The following WHRN variants were observed in gnomAD, a reference collection of about 807,000 sequenced individuals.
WHRN encodes the protein CASK-interacting protein CIP98.
WHRN carries 41 observed loss-of-function variants against 68.3 expected under a neutral mutation model. The ratio of observed to expected loss-of-function variants is 0.60; its 90% CI spans 0.47 to 0.78. The LOEUF (loss-of-function observed/expected upper bound fraction) is 0.78. Ranked by LOEUF, WHRN falls within the 30% of genes least tolerant of loss-of-function variation. The pLI is 0.00. For missense variants in WHRN, 1,243 were observed against 1,244.7 expected, an observed-to-expected ratio of 1.00 and a Z score of 0.02; for synonymous variants, 560 against 561.3, an observed-to-expected ratio of 1.00 and a Z score of 0.03.
chr9:114,426,205 C>T lies in WHRN; in HGVS notation c.1166+6G>A. 1 of 1,612,048 alleles carries T rather than the reference C, an allele frequency of 6.2e-7. No individual in the cohort carries two copies. The highest frequency in any genetic ancestry group is 8.5e-7 in the Non-Finnish European group (1 of 1,179,998). On this transcript the variant is annotated splice_donor_region_variant and intron_variant, in intron 4 of 11. Coordinates refer to ENST00000362057, the MANE Select transcript of WHRN (RefSeq NM_015404.4). ...CTGGAGATTGGAGCGAGCAGAGTGGCCAGACCCTGCCGAGTTCGCCATGGT... is the reference window on the plus strand; with the variant it reads ...CTGGAGATTGGAGCGAGCAGAGTGGTCAGACCCTGCCGAGTTCGCCATGGT...
At chr9:114,442,710 A>G (rs1838478731) in intron 3 of WHRN, among the ~76,000 whole-genome samples, 1 of 152,006 alleles carries the variant, frequency 6.6e-6, no homozygotes, top group African/African-American at 2.4e-5. Flanking sequence ...TCCCTCTCTT[A>G]CCATGTGACA....
intron 1 of WHRN, among the ~76,000 whole-genome samples, 155 bp downstream of exon 1, chr9:114,504,029 T>C (rs1844163488): frequency 6.7e-6 from 1 of 149,910 alleles, no homozygotes; most frequent in Non-Finnish European, 1.5e-5. Flanking sequence ...ATTTGCTCTG[T>C]AAGCTATACA....
intron 2 of WHRN, among the ~76,000 whole-genome samples, chr9:114,476,802 A>G (rs1029567454): frequency 2.0e-5 from 3 of 152,076 alleles, no homozygotes; most frequent in Non-Finnish European, 4.4e-5. Context: ...GGGGATGATG[A>G]CACCTACCTC....
intron 9 of WHRN, among the ~76,000 whole-genome samples, chr9:114,404,692 G>A (rs1211442400): frequency 6.6e-6 from 1 of 152,138 alleles, no homozygotes; most frequent in African/African-American, 2.4e-5. Context: ...AATTCCCACT[G>A]ACCAGCTGTG....
intron 7 of WHRN, among the ~76,000 whole-genome samples, chr9:114,412,342 C>T (rs1482671784): frequency 6.6e-6 from 1 of 152,186 alleles, no homozygotes; most frequent in African/African-American, 2.4e-5. Flanking sequence ...TGTTCACTTT[C>T]ACCACCACCC....
chr9:114,408,353 C>T (rs1835188570), intron 7 of WHRN, among the ~76,000 whole-genome samples: 2 of 152,186 alleles, frequency 1.3e-5, no homozygotes, highest in African/African-American at 4.8e-5. Flanking sequence ...CTCCAAAAGC[C>T]AAGGCCTCTC....
At position 114,426,358 on chromosome 9, in the gene WHRN, T is replaced by C; in HGVS notation, c.1019A>G (p.Asp340Gly). ...NGRSFLNILH[D>G]EAVRLLKSSR... ...TGACTTAAGCAGCCTGACAGCCTCG[T>C]CGTGTAGGATGTTGAGAAAGCTCCG... The change falls in exon 4 of 12, where the codon GAC becomes GGC. Residue 340 changes from aspartate (D) to glycine (G), a missense_variant. Physicochemically the swap from Asp to Gly is moderately conservative, Grantham distance 94. Coordinates refer to ENST00000362057, the MANE Select transcript of WHRN (RefSeq NM_015404.4). 6.2e-7 allele frequency: 1 copy of C among 1,614,082 alleles called. No individual in the cohort carries two copies. The highest frequency in any genetic ancestry group is 8.5e-7 in the Non-Finnish European group (1 of 1,180,042).
chr9:114,411,748 T>A (rs1362474582), intron 7 of WHRN, among the ~76,000 whole-genome samples: 2 of 152,316 alleles, frequency 1.3e-5, no homozygotes, highest in South Asian at 4.1e-4. Flanking sequence ...GCACTAGGAC[T>A]GTCCCTTGTC....
intron 2 of WHRN, chr9:114,478,294 G>A (rs979617132): frequency 5.7e-5 from 40 of 698,984 alleles, no homozygotes; most frequent in Non-Finnish European, 9.3e-5. Context: ...TCTCCAAATA[G>A]ATAAATAAGC....
At chr9:114,466,722 C>T (rs1022374215) in intron 2 of WHRN, among the ~76,000 whole-genome samples, 9 of 152,140 alleles carry the variant, frequency 5.9e-5, no homozygotes, top group Middle Eastern at 3.2e-3. Flanking sequence ...ATGCTCTTCA[C>T]GCCACAGTGG....
chr9:114,485,003 C>T (rs1842369260), intron 1 of WHRN, among the ~76,000 whole-genome samples: 2 of 152,146 alleles, frequency 1.3e-5, no homozygotes, highest in South Asian at 4.1e-4. Context: ...AAACCATACA[C>T]CAAAGGCAAG....
Position 114,425,828 on chromosome 9 carries a change from T to C in WHRN, c.1166+383A>G, listed in dbSNP as rs1200839320. On this transcript the variant is annotated intron_variant, in intron 4 of 11. Transcript: ENST00000362057. The stretch of plus-strand genomic sequence containing the variant: ...GATTTCTTCATGGGATCCAGCCTGG[T>C]GGCCTCTGGCCAAATACACCCCAAA... The C allele has an allele frequency of 1.5e-5, 5 of 328,048 alleles. No homozygotes were observed. The East Asian group carries it at 3.7e-4, about 24-fold the overall frequency. The allele number at this position is 328,048 out of a possible 1,614,324, so 20.3% of individuals were successfully genotyped here.
intron 3 of WHRN, among the ~76,000 whole-genome samples, chr9:114,448,692 TG>T (rs1480951702): frequency 6.6e-6 from 1 of 152,128 alleles, no homozygotes; most frequent in Non-Finnish European, 1.5e-5. Flanking sequence ...TGTGGAAAGA[TG>T]ACAGGGAGAG....
At chr9:114,422,352 C>T (rs1484913946) in intron 7 of WHRN, among the ~76,000 whole-genome samples, 5 of 152,248 alleles carry the variant, frequency 3.3e-5, no homozygotes, top group Admixed American at 6.5e-5. Context: ...TCCTGACCTC[C>T]AGCCCTGACT....
At chr9:114,413,720 G>A (rs1187483987) in intron 7 of WHRN, among the ~76,000 whole-genome samples, 1 of 152,210 alleles carries the variant, frequency 6.6e-6, no homozygotes, top group Non-Finnish European at 1.5e-5. Context: ...CACTGGGCCA[G>A]CACTGTGCTT....
chr9:114,421,134 A>C (rs897747325), intron 7 of WHRN, among the ~76,000 whole-genome samples: 1 of 151,506 alleles, frequency 6.6e-6, no homozygotes, highest in Non-Finnish European at 1.5e-5. Context: ...GTCCCAAAAA[A>C]CTCCCTGTAT....
Position 114,479,001 on chromosome 9 carries a change from A to G in WHRN, c.619-230T>C, listed in dbSNP as rs564443190. ...AATACAAGAAATATGATCTTTTAGG[A>G]TACCTCTGCGGAGGAGTTTGCATTG... On this transcript the variant is annotated intron_variant, in intron 1 of 11. Transcript: ENST00000362057. Among the ~76,000 whole-genome samples the G allele has an allele frequency of 8.5e-4, 129 of 152,262 alleles. 1 individual carries two copies. Among genetic ancestry groups the G allele is most frequent in the African/African-American group, 2.7e-3 (111 of 41,538 alleles).
chr9:114,484,674 G>A (rs192494027), intron 1 of WHRN, among the ~76,000 whole-genome samples: 1 of 152,302 alleles, frequency 6.6e-6, no homozygotes, highest in African/African-American at 2.4e-5. Context: ...GAGAAATCTC[G>A]ATCTGACCCA....
chr9:114,410,119 A>C (rs750366561), intron 7 of WHRN, among the ~76,000 whole-genome samples: 5 of 152,120 alleles, frequency 3.3e-5, no homozygotes, highest in Non-Finnish European at 7.4e-5. Flanking sequence ...TTCAGACCTC[A>C]GCGAGGCCCT....
Sources: gnomAD v4.1 joint callset for allele counts (sites outside exome capture counted in the v4.1 genomes callset) on GRCh38, gnomAD v4.1.1 for gene constraint, MANE v1.5 for transcripts, NCBI Gene and HGNC (gene_info 2026-07-23, HGNC 2026-07-21) for gene names.